Variants in SLC14A2 observed in about 807,000 individuals in gnomAD.
SLC14A2 encodes the protein urea transporter 2.
SLC14A2 carries 91 observed loss-of-function variants against 104.6 expected under a neutral mutation model. The observed-to-expected ratio is 0.87, with a 90% CI of 0.73 to 1.04. SLC14A2 has a LOEUF of 1.04. Among genes scored for constraint, SLC14A2 ranks in the 50% least tolerant of loss-of-function variants. The pLI is 0.00. For missense variants in SLC14A2, 1,189 were observed against 1,156.0 expected, an observed-to-expected ratio of 1.03 and a Z score of -0.41; for synonymous variants, 476 against 466.4, an observed-to-expected ratio of 1.02 and a Z score of -0.27.
chr18:45,442,859 T>A (rs1429041147), intron 1 of SLC14A2, among the ~76,000 whole-genome samples: 2 of 152,192 alleles, frequency 1.3e-5, no homozygotes, highest in Admixed American at 1.3e-4. Context: ...TAGAAAAAAA[T>A]TCCCTCCTGT....
chr18:45,407,686 G>T (rs547704699), intron 1 of SLC14A2, among the ~76,000 whole-genome samples: 2 of 152,132 alleles, frequency 1.3e-5, no homozygotes, highest in East Asian at 3.9e-4. Context: ...AATACTTAGA[G>T]GCCATTGTAG....
At chr18:45,181,466 G>A in the SLC14A2 span, 1 of 152,240 alleles carries the variant, frequency 6.6e-6, no homozygotes, top group South Asian at 2.1e-4. Flanking sequence ...TTCACACACT[G>A]GGTCACCGCG....
chr18:45,354,218 T>A (rs147023156), intron 1 of SLC14A2, among the ~76,000 whole-genome samples: 146 of 152,324 alleles, frequency 9.6e-4, no homozygotes, highest in African/African-American at 3.4e-3. Context: ...GCTATTGATG[T>A]TCCCGGGATC....
intron 1 of SLC14A2, among the ~76,000 whole-genome samples, chr18:45,274,929 G>A (rs936919428): frequency 2.6e-5 from 4 of 152,180 alleles, no homozygotes; most frequent in African/African-American, 7.2e-5. Flanking sequence ...TTTGATAGAT[G>A]CATTTGAAGG....
Position 45,673,832 on chromosome 18 carries a change from C to T in SLC14A2, c.2512+15C>T, listed in dbSNP as rs564088455. The stretch of plus-strand genomic sequence containing the variant: ...CATCGCCTGCGGTAGGTACTCCCCA[C>T]AGAGGATTTGTTTCCTTTATAAAAG... On this transcript the variant is annotated intron_variant, in intron 18 of 19. Transcript: ENST00000255226. 13 of 1,610,582 alleles carry T rather than the reference C, an allele frequency of 8.1e-6. No individual in the cohort carries two copies. The East Asian group carries it at 8.9e-5, about 11-fold the overall frequency.
intron 15 of SLC14A2, among the ~76,000 whole-genome samples, 197 bp downstream of exon 15, chr18:45,668,674 C>T (rs1054375958): frequency 2.6e-5 from 4 of 151,904 alleles, no homozygotes; most frequent in South Asian, 4.1e-4. Context: ...ATCCCATTAG[C>T]GACCACCCTT....
At chr18:45,537,633 A>T (rs1250464691) in intron 2 of SLC14A2, among the ~76,000 whole-genome samples, 38 of 152,202 alleles carry the variant, frequency 2.5e-4, no homozygotes, top group Admixed American at 2.4e-3. Flanking sequence ...TGAGGAAGCC[A>T]TTGGTGAATT....
intron 1 of SLC14A2, among the ~76,000 whole-genome samples, chr18:45,426,393 A>G (rs189951205): frequency 7.7e-4 from 117 of 152,092 alleles, no homozygotes; most frequent in African/African-American, 2.8e-3. Context: ...GGCAGAAGAC[A>G]TGCCTCCTTC....
intron 2 of SLC14A2, among the ~76,000 whole-genome samples, chr18:45,601,108 T>G (rs1396008334): frequency 6.6e-6 from 1 of 152,194 alleles, no homozygotes; most frequent in Non-Finnish European, 1.5e-5. Flanking sequence ...CAAACCTGAC[T>G]GCCTCCCCTC....
At chr18:45,530,012 C>CT (rs1053836282) in intron 2 of SLC14A2, among the ~76,000 whole-genome samples, 21 of 152,148 alleles carry the variant, frequency 1.4e-4, no homozygotes, top group African/African-American at 5.1e-4. Context: ...ACCTTGCCTG[C>CT]TTAGTTGGTA....
At chr18:45,253,821 A>T (rs1195454915) in intron 1 of SLC14A2, among the ~76,000 whole-genome samples, 6 of 152,214 alleles carry the variant, frequency 3.9e-5, no homozygotes, top group Non-Finnish European at 5.9e-5. Flanking sequence ...TCTAAATTAA[A>T]TTTTTATAGA....
chr18:45,504,214 C>T (rs1464544614), intron 2 of SLC14A2, among the ~76,000 whole-genome samples: 5 of 152,146 alleles, frequency 3.3e-5, no homozygotes, highest in African/African-American at 9.7e-5. Context: ...AACTTTCCAG[C>T]AAACAATACT....
intron 1 of SLC14A2, among the ~76,000 whole-genome samples, chr18:45,316,777 C>T (rs1311898764): frequency 6.6e-6 from 1 of 152,172 alleles, no homozygotes; most frequent in Non-Finnish European, 1.5e-5. Flanking sequence ...CTTCCCTTCA[C>T]CTCCAGCTCC....
At chr18:45,563,890 A>G (rs2044234919) in intron 2 of SLC14A2, among the ~76,000 whole-genome samples, 1 of 152,232 alleles carries the variant, frequency 6.6e-6, no homozygotes, top group Admixed American at 6.5e-5. Flanking sequence ...AACTTTGGGA[A>G]AACCTCTGTC....
chr18:45,406,310 T>C (rs961739703), intron 1 of SLC14A2, among the ~76,000 whole-genome samples: 13 of 152,240 alleles, frequency 8.5e-5, no homozygotes, highest in African/African-American at 3.1e-4. Flanking sequence ...ACTCCTCATT[T>C]GTTAAAATTT....
In SLC14A2 at chr18:45,243,765, G is replaced by A. The variant is rs548720405; in HGVS notation, c.-125+30574G>A. Reference sequence around the variant, plus strand: ...TGTGGCTGAGAGACTGGGTGTCATAGCTGGGCCTTGCACATCACAGTTCTG... The same window carrying A: ...TGTGGCTGAGAGACTGGGTGTCATAACTGGGCCTTGCACATCACAGTTCTG... On this transcript the variant is annotated intron_variant, in intron 1 of 20. Transcript: ENST00000586448. Among the ~76,000 whole-genome samples the A allele has an allele frequency of 3.3e-5, 5 of 152,322 alleles. No homozygotes were observed. The South Asian group carries it at 1.0e-3, about 32-fold the overall frequency.
chr18:45,513,423 C>A (rs992091449), intron 2 of SLC14A2, among the ~76,000 whole-genome samples: 3 of 152,078 alleles, frequency 2.0e-5, no homozygotes, highest in Admixed American at 2.0e-4. Context: ...GAATGTATAC[C>A]AAGAACAAAG....
At chr18:45,450,887 C>G (rs772114950) in intron 1 of SLC14A2, among the ~76,000 whole-genome samples, 1 of 152,112 alleles carries the variant, frequency 6.6e-6, no homozygotes, top group Non-Finnish European at 1.5e-5. Context: ...AATAAAGGGT[C>G]CATCATTTAG....
intron 2 of SLC14A2, among the ~76,000 whole-genome samples, chr18:45,538,586 G>T (rs1253919672): frequency 6.6e-6 from 1 of 152,180 alleles, no homozygotes; most frequent in Admixed American, 6.5e-5. Flanking sequence ...ATAACAGCTT[G>T]CTTCCTCCAG....
Sources: allele counts gnomAD v4.1 joint callset (sites outside exome capture counted in the v4.1 genomes callset), GRCh38; gene constraint gnomAD v4.1.1; transcripts MANE v1.5; gene names NCBI Gene and HGNC (gene_info 2026-07-23, HGNC 2026-07-21).